Variants in ASTN1 observed in about 807,000 individuals in gnomAD.
ASTN1 encodes the protein astrotactin-1.
A neutral mutation model predicts 140.7 loss-of-function variants in ASTN1; 41 were observed. The observed-to-expected ratio is 0.29, with a 90% CI of 0.23 to 0.38. The LOEUF (loss-of-function observed/expected upper bound fraction) is 0.38, where lower values mean the gene tolerates loss of function less well. Among genes scored for constraint, ASTN1 ranks in the 10% least tolerant of loss-of-function variants. The probability of loss-of-function intolerance (pLI) is 1.00; values close to 1 mark genes in which losing one functional copy is unlikely to be tolerated. For missense variants in ASTN1, 1,479 were observed against 1,678.8 expected (o/e 0.88, Z 2.08); for synonymous variants, 640 against 652.2 (o/e 0.98, Z 0.29).
chr1:176,880,765 T>C (rs1399178004), intron 20 of ASTN1, among the ~76,000 whole-genome samples: 1 of 152,156 alleles, frequency 6.6e-6, no homozygotes, highest in Non-Finnish European at 1.5e-5. Flanking sequence ...CACAGTAACC[T>C]AGAGCAGCAG....
intron 21 of ASTN1, 99 bp from the exon 22 acceptor site, chr1:176,869,126 C>T (rs566366902): frequency 2.6e-6 from 2 of 782,970 alleles, no homozygotes; most frequent in African/African-American, 1.8e-5. Flanking sequence ...AGACATATCA[C>T]ATATAAACAT....
chr1:176,866,930 G>T (rs921201174), intron 22 of ASTN1, among the ~76,000 whole-genome samples: 1 of 152,128 alleles, frequency 6.6e-6, no homozygotes, highest in African/African-American at 2.4e-5. Flanking sequence ...TTCCTTTCCT[G>T]TGGTTCTCTC....
chr1:177,038,271 T>G (rs972938732), intron 2 of ASTN1, among the ~76,000 whole-genome samples: 13 of 152,228 alleles, frequency 8.5e-5, no homozygotes, highest in African/African-American at 3.1e-4. Context: ...ACCCTCCACA[T>G]AACTCTAACC....
chr1:177,059,985 T>C (rs997060079), intron 2 of ASTN1, among the ~76,000 whole-genome samples: 3 of 152,200 alleles, frequency 2.0e-5, no homozygotes, highest in Non-Finnish European at 4.4e-5. Context: ...CAGTACAATA[T>C]CAATACATAA....
chr1:176,940,446 A>T (rs1465907879), intron 14 of ASTN1, among the ~76,000 whole-genome samples: 1 of 152,236 alleles, frequency 6.6e-6, no homozygotes, highest in Non-Finnish European at 1.5e-5. Flanking sequence ...CAACCAGAGA[A>T]AGTACAATAT....
intron 8 of ASTN1, among the ~76,000 whole-genome samples, chr1:177,001,675 G>C (rs1408823798): frequency 6.6e-6 from 1 of 152,156 alleles, no homozygotes; most frequent in African/African-American, 2.4e-5. Flanking sequence ...GCAGGTGAAC[G>C]TTAACCCTCT....
chr1:177,007,398 A>T (rs1675052448), intron 8 of ASTN1, among the ~76,000 whole-genome samples: 2 of 152,182 alleles, frequency 1.3e-5, no homozygotes, highest in Admixed American at 6.5e-5. Flanking sequence ...TCTCAAAAAA[A>T]AAATTAATAA....
intron 16 of ASTN1, among the ~76,000 whole-genome samples, chr1:176,909,827 G>A (rs183190674): frequency 9.9e-5 from 15 of 152,102 alleles, no homozygotes; most frequent in Non-Finnish European, 1.6e-4. Flanking sequence ...TCTTTCCACT[G>A]TCTAAGTCTG....
chr1:177,000,366 A>C (rs1365920589), intron 8 of ASTN1, among the ~76,000 whole-genome samples: 4 of 152,230 alleles, frequency 2.6e-5, no homozygotes, highest in Admixed American at 1.3e-4. Context: ...CATAGTCTAA[A>C]AGGCATAATG....
chr1:177,100,222 T>C (rs937008424), intron 1 of ASTN1, among the ~76,000 whole-genome samples: 22 of 152,010 alleles, frequency 1.4e-4, no homozygotes, highest in African/African-American at 4.6e-4. Context: ...AAAACAGAAA[T>C]GTGGTGAGTT....
At chr1:177,040,059 T>A (rs1676900506) in intron 2 of ASTN1, among the ~76,000 whole-genome samples, 1 of 152,234 alleles carries the variant, frequency 6.6e-6, no homozygotes, top group South Asian at 2.1e-4. Flanking sequence ...TTGCCCAAAC[T>A]GGAAGAGAAA....
At chr1:176,879,289 T>C (rs1191345517) in intron 20 of ASTN1, among the ~76,000 whole-genome samples, 4 of 152,152 alleles carry the variant, frequency 2.6e-5, no homozygotes, top group South Asian at 4.1e-4. Flanking sequence ...GGCCCTGCTC[T>C]GCCTGTTCCT....
intron 2 of ASTN1, among the ~76,000 whole-genome samples, chr1:177,039,557 C>T (rs1052323083): frequency 5.3e-5 from 8 of 152,164 alleles, no homozygotes; most frequent in Admixed American, 4.6e-4. Context: ...CTCAAGGTCC[C>T]TTCTGATCCT....
intron 14 of ASTN1, 148 bp downstream of exon 14, chr1:176,943,743 C>A: frequency 1.0e-6 from 1 of 1,004,340 alleles, no homozygotes; most frequent in Non-Finnish European, 1.4e-6. Context: ...ATCCTACTAG[C>A]ATTCAGTTTT....
intron 1 of ASTN1, among the ~76,000 whole-genome samples, chr1:177,151,420 CT>C (rs1439608308): frequency 6.7e-6 from 1 of 150,054 alleles, no homozygotes; most frequent in African/African-American, 2.5e-5. Flanking sequence ...TTTTGCCTTA[CT>C]TTCTTAAAAA....
At chr1:177,148,126 G>T (rs540955440) in intron 1 of ASTN1, among the ~76,000 whole-genome samples, 3 of 151,988 alleles carry the variant, frequency 2.0e-5, no homozygotes, top group Non-Finnish European at 4.4e-5. Context: ...TCTTACAATC[G>T]AAAATTTTCA....
chr1:176,978,626 TG>T (rs1468853450), intron 8 of ASTN1, among the ~76,000 whole-genome samples: 2 of 152,126 alleles, frequency 1.3e-5, no homozygotes, highest in African/African-American at 2.4e-5. Context: ...TTTATGTGTG[TG>T]GGGGTAAGGG....
At chr1:177,048,750 C>T (rs1202506590) in intron 2 of ASTN1, among the ~76,000 whole-genome samples, 1 of 152,182 alleles carries the variant, frequency 6.6e-6, no homozygotes. Context: ...TAGAGTACTT[C>T]ATGCTAGCAG....
At chr1:176,994,536 T>C (rs1392362441) in intron 8 of ASTN1, among the ~76,000 whole-genome samples, 1 of 152,038 alleles carries the variant, frequency 6.6e-6, no homozygotes, top group Non-Finnish European at 1.5e-5. Flanking sequence ...AGAGATAGGG[T>C]TTCATCATGT....
Sources: allele counts gnomAD v4.1 joint callset (sites outside exome capture counted in the v4.1 genomes callset), GRCh38; gene constraint gnomAD v4.1.1; transcripts MANE v1.5; gene names NCBI Gene and HGNC (gene_info 2026-07-23, HGNC 2026-07-21).